SHC4: variants seen among roughly 807,000 people sequenced by gnomAD.
The protein encoded by SHC4 is SHC-transforming protein 4.
In SHC4, 41 loss-of-function variants were observed where a neutral mutation model predicts 69.4. That is an observed-to-expected ratio of 0.59 (90% CI 0.46 to 0.77). SHC4 has a LOEUF of 0.77. Among genes scored for constraint, SHC4 ranks in the 30% least tolerant of loss-of-function variants. The pLI is 0.00. For synonymous variants in SHC4, 318 were observed against 299.3 expected, an observed-to-expected ratio of 1.06 and a Z score of -0.64; for missense variants, 777 against 783.8, an observed-to-expected ratio of 0.99 and a Z score of 0.10.
chr15:48,832,044 G>A (rs1033253812), intron 11 of SHC4, among the ~76,000 whole-genome samples: 1 of 152,206 alleles, frequency 6.6e-6, no homozygotes, highest in Non-Finnish European at 1.5e-5. Context: ...GCCAAGGCAG[G>A]TGGATAAACT....
intron 1 of SHC4, among the ~76,000 whole-genome samples, chr15:48,950,292 C>T (rs544773397): frequency 9.8e-4 from 145 of 147,622 alleles, no homozygotes; most frequent in African/African-American, 3.5e-3. Context: ...TATATATATT[C>T]CCTATGGTTA....
intron 2 of SHC4, among the ~76,000 whole-genome samples, chr15:48,915,632 T>G (rs865970030): frequency 1.3e-5 from 2 of 152,230 alleles, no homozygotes; most frequent in Admixed American, 6.5e-5. Flanking sequence ...ATTGCATGGT[T>G]TATTGTTCTA....
In SHC4 at chr15:48,825,035, A is replaced by C. The variant is rs1426205; in HGVS notation, c.*936T>G. The C allele has an allele frequency of 0.87, 132,138 of 152,606 alleles. 57,374 individuals carry two copies. Among genetic ancestry groups the C allele is most frequent in the East Asian group, 1 (5,179 of 5,182 alleles). 9.5% of individuals were successfully genotyped at this position (152,606 alleles called of 1,614,324 possible). On this transcript the variant is annotated 3_prime_UTR_variant, in exon 12 of 12. Transcript: ENST00000332408. ...TGTCAGCCAATCAAGAAGAAATTTT[A>C]CTATAATTTCAAATAGATTCTGTAC... is the stretch of plus-strand genomic sequence containing the variant.
At chr15:48,917,391 G>T (rs1900645243) in intron 2 of SHC4, among the ~76,000 whole-genome samples, 1 of 151,990 alleles carries the variant, frequency 6.6e-6, no homozygotes, top group African/African-American at 2.4e-5. Context: ...TTATAGGAAA[G>T]TTTAAGTAAC....
intron 9 of SHC4, 32 bp downstream of exon 9, chr15:48,851,156 G>T: frequency 6.2e-7 from 1 of 1,607,496 alleles, no homozygotes; most frequent in Non-Finnish European, 8.5e-7. Context: ...GGAATAAGGA[G>T]GGTGGCAGAT....
rs921022204 is a variant in SHC4 at position 48,963,888 on chromosome 15, C to G, written c.-873G>C. Reference sequence around the variant, plus strand: ...AATGAACTTTGCCGAATGAATTTCTCTGTGTGTGTGCAAGCTAATAAATCT... The same window carrying G: ...AATGAACTTTGCCGAATGAATTTCTGTGTGTGTGTGCAAGCTAATAAATCT... On this transcript the variant is annotated 5_prime_UTR_variant, in exon 1 of 12. Coordinates refer to ENST00000332408, the MANE Select transcript of SHC4 (RefSeq NM_203349.4). Among the ~76,000 whole-genome samples, 5 of 152,232 alleles carry G rather than the reference C, an allele frequency of 3.3e-5. No homozygotes were observed. Among genetic ancestry groups the G allele is most frequent in the African/African-American group, 9.7e-5 (4 of 41,448 alleles).
At position 48,869,336 on chromosome 15, in the gene SHC4, T is replaced by C. The variant is rs367729018; in HGVS notation, c.895-1467A>G. ...AAAGGCCAAGAGATGAGAAGGCTATTCATTATTTTTGAAATTTTGGAGGAA... is the reference window on the plus strand; with the variant it reads ...AAAGGCCAAGAGATGAGAAGGCTATCCATTATTTTTGAAATTTTGGAGGAA... On this transcript the variant is annotated intron_variant, in intron 5 of 11. Transcript: ENST00000332408. Among the ~76,000 whole-genome samples, 24 of 152,266 alleles carry C rather than the reference T, an allele frequency of 1.6e-4. No individual in the cohort carries two copies. The East Asian group carries it at 3.1e-3, about 20-fold the overall frequency.
chr15:48,862,550 G>C (rs1013252048), intron 6 of SHC4, among the ~76,000 whole-genome samples: 14 of 152,264 alleles, frequency 9.2e-5, no homozygotes, highest in Non-Finnish European at 1.9e-4. Context: ...CAAGCAAAAG[G>C]AAGAGTGGGA....
chr15:48,962,826 C>T lies in SHC4; in HGVS notation c.190G>A (p.Ala64Thr). 8 of 1,612,588 alleles carry T rather than the reference C, an allele frequency of 5.0e-6. No homozygotes were observed. Among genetic ancestry groups the T allele is most frequent in the Non-Finnish European group, 6.8e-6 (8 of 1,179,920 alleles). The change falls in exon 1 of 12, where the codon GCA becomes ACA. Residue 64 changes from alanine (A) to threonine (T), a missense_variant. By Grantham distance (58) the Ala-to-Thr change is moderately conservative. Transcript: ENST00000332408. ...GSPQPPHPAL[A>T]PHLPTEDATL... Reference sequence around the variant, plus strand: ...GCATCTTCAGTCGGCAGGTGAGGTGCCAGGGCGGGGTGGGGAGGCTGCGGC... The same window carrying T: ...GCATCTTCAGTCGGCAGGTGAGGTGTCAGGGCGGGGTGGGGAGGCTGCGGC...
intron 1 of SHC4, among the ~76,000 whole-genome samples, chr15:48,939,541 T>G (rs962976137): frequency 2.6e-5 from 4 of 152,190 alleles, no homozygotes; most frequent in Admixed American, 2.0e-4. Flanking sequence ...AATGAGCTCT[T>G]AGAGGGCAGA....
At chr15:48,957,295 T>C (rs1306828900) in intron 1 of SHC4, among the ~76,000 whole-genome samples, 1 of 152,040 alleles carries the variant, frequency 6.6e-6, no homozygotes, top group Non-Finnish European at 1.5e-5. Flanking sequence ...CTTTTAAATA[T>C]GAGAAAATGA....
At chr15:48,936,784 G>A (rs1901079017) in intron 1 of SHC4, among the ~76,000 whole-genome samples, 1 of 152,168 alleles carries the variant, frequency 6.6e-6, no homozygotes. Flanking sequence ...TCTGAAAAAA[G>A]TACTGGTCAT....
intron 4 of SHC4, among the ~76,000 whole-genome samples, chr15:48,883,362 G>A (rs1899978561): frequency 6.6e-6 from 1 of 152,150 alleles, no homozygotes; most frequent in African/African-American, 2.4e-5. Context: ...GAGTAGTAGA[G>A]TCATTTGCTA....
intron 5 of SHC4, among the ~76,000 whole-genome samples, chr15:48,868,974 G>C (rs1039417661): frequency 1.3e-5 from 2 of 152,236 alleles, no homozygotes; most frequent in African/African-American, 4.8e-5. Flanking sequence ...GAGGTGGTCT[G>C]ATGCCAGCCA....
At chr15:48,872,244 T>C in intron 4 of SHC4, 102 bp from the exon 5 acceptor site, 2 of 683,370 alleles carry the variant, frequency 2.9e-6, no homozygotes, top group South Asian at 4.3e-5. Flanking sequence ...TGTTTTTGCC[T>C]GATCAGCATC....
At chr15:48,833,729 C>A (rs150009066) in intron 11 of SHC4, among the ~76,000 whole-genome samples, 1 of 152,228 alleles carries the variant, frequency 6.6e-6, no homozygotes. Flanking sequence ...GCAAGCTCTA[C>A]TCTCCTCTTT....
In SHC4 at chr15:48,900,417, G is replaced by A. The variant is rs1188186898; in HGVS notation, c.657-9606C>T. ...AGCTACTTGGGAGGCTGAGGCAGGAGAATCTCTTGAACCTGGGAGGTGGAG... is the reference window on the plus strand; with the variant it reads ...AGCTACTTGGGAGGCTGAGGCAGGAAAATCTCTTGAACCTGGGAGGTGGAG... On this transcript the variant is annotated intron_variant, in intron 2 of 11. Coordinates refer to ENST00000332408, the MANE Select transcript of SHC4 (RefSeq NM_203349.4). Among the ~76,000 whole-genome samples the A allele has an allele frequency of 3.3e-5, 5 of 151,920 alleles. No homozygotes were observed. In the South Asian group the frequency reaches 6.2e-4, roughly 19 times the overall value.
chr15:48,887,450 T>C (rs1373915565), intron 3 of SHC4, among the ~76,000 whole-genome samples: 1 of 152,192 alleles, frequency 6.6e-6, no homozygotes, highest in African/African-American at 2.4e-5. Flanking sequence ...TTTTTTGTGA[T>C]GATTAACAAA....
chr15:48,908,761 C>T (rs562948334), intron 2 of SHC4, among the ~76,000 whole-genome samples: 14 of 152,296 alleles, frequency 9.2e-5, no homozygotes, highest in Admixed American at 7.2e-4. Context: ...TTTCATTCTC[C>T]TACATGTGGC....
Sources: gnomAD v4.1 joint callset for allele counts (sites outside exome capture counted in the v4.1 genomes callset) on GRCh38, gnomAD v4.1.1 for gene constraint, MANE v1.5 for transcripts, NCBI Gene and HGNC (gene_info 2026-07-23, HGNC 2026-07-21) for gene names.